S100A10: variants seen among roughly 807,000 people sequenced by gnomAD.
S100A10 encodes the protein protein S100-A10.
A neutral mutation model predicts 7.1 loss-of-function variants in S100A10; 3 were observed. That is an observed-to-expected ratio of 0.42 (90% confidence interval 0.19 to 1.10). S100A10 has a LOEUF of 1.10. S100A10 is among the 50% of genes least tolerant of loss of function. The pLI is 0.29. For missense variants in S100A10, 101 were observed against 118.1 expected (o/e 0.86, Z 0.67); for synonymous variants, 41 against 39.3 (o/e 1.04, Z -0.16).
chr1:151,988,200 G>C (rs1193119227), intron 1 of S100A10, among the ~76,000 whole-genome samples: 1 of 152,150 alleles, frequency 6.6e-6, no homozygotes, highest in Admixed American at 6.5e-5. Context: ...AGTGAATTTT[G>C]GCTTAATTGG....
rs1466917329 is a variant in S100A10, at chr1:151,986,093, A to T, written c.132+6T>A. On this transcript the variant is annotated splice_donor_region_variant and intron_variant, in intron 2 of 2. Coordinates refer to ENST00000368811, the MANE Select transcript of S100A10 (RefSeq NM_002966.3). ...TCTGGTTCTTTGTAAGCTTTTCAAC[A>T]CTTACTTCCAAAAATCCAGGGAACT... The T allele has an allele frequency of 1.3e-6, 2 of 1,587,052 alleles. No individual in the cohort carries two copies. Among genetic ancestry groups the T allele is most frequent in the African/African-American group, 1.4e-5 (1 of 72,802 alleles).
At chr1:151,989,991 G>C (rs938963098) in intron 1 of S100A10, among the ~76,000 whole-genome samples, 1 of 152,212 alleles carries the variant, frequency 6.6e-6, no homozygotes, top group Non-Finnish European at 1.5e-5. Context: ...TGAGATTTAA[G>C]CTTCTCTTGA....
At chr1:151,986,727 C>T (rs1041408518) in intron 1 of S100A10, among the ~76,000 whole-genome samples, 17 of 152,182 alleles carry the variant, frequency 1.1e-4, no homozygotes, top group African/African-American at 2.4e-4. Context: ...CTAAGCGTAA[C>T]GTCCTCCAGG....
chr1:151,990,759 A>G (rs1655888337), intron 1 of S100A10, among the ~76,000 whole-genome samples: 1 of 152,192 alleles, frequency 6.6e-6, no homozygotes, highest in Non-Finnish European at 1.5e-5. Flanking sequence ...ATGGAATACT[A>G]TTAAAGCATT....
At chr1:151,987,239 CAGG>C (rs1422679759) in intron 1 of S100A10, among the ~76,000 whole-genome samples, 2 of 151,924 alleles carry the variant, frequency 1.3e-5, no homozygotes, top group Non-Finnish European at 2.9e-5. Flanking sequence ...CTCCTGACTT[CAGG>C]TGATCCGCCC....
chr1:151,992,451 T>C (rs1385391724), intron 1 of S100A10: 1 of 152,230 alleles, frequency 6.6e-6, no homozygotes. Context: ...GCAGATCTAA[T>C]TACTGCCCTC....
At position 151,993,274 on chromosome 1, in the gene S100A10, C is replaced by T. The variant is rs1655945718; in HGVS notation, c.-22+478G>A. On this transcript the variant is annotated intron_variant, in intron 1 of 2. Transcript: ENST00000368811. The surrounding 1 kb of genome is among the most constrained non-coding windows in gnomAD (Gnocchi z 5.1). ...AGGGACGCCCCAGCTGCCTACTCGT[C>T]CTACCCGCGCCTACTTGGGCGGTAC... Among the ~76,000 whole-genome samples, 1 of 152,144 alleles carries T rather than the reference C, an allele frequency of 6.6e-6. No homozygotes were observed. Among genetic ancestry groups the T allele is most frequent in the Non-Finnish European group, 1.5e-5 (1 of 68,024 alleles).
At chr1:151,991,967 T>A (rs562238499) in intron 1 of S100A10, among the ~76,000 whole-genome samples, 1 of 152,188 alleles carries the variant, frequency 6.6e-6, no homozygotes, top group African/African-American at 2.4e-5. Flanking sequence ...ACCCAAAAAT[T>A]GCTTCATGCC....
intron 1 of S100A10, among the ~76,000 whole-genome samples, chr1:151,990,638 T>C (rs372205304): frequency 4.6e-5 from 7 of 152,316 alleles, no homozygotes; most frequent in African/African-American, 1.7e-4. Flanking sequence ...AGCACCTACT[T>C]TGAATGTCCC....
chr1:151,985,263 T>A (rs1194910749), intron 2 of S100A10: 1 of 152,200 alleles, frequency 6.6e-6, no homozygotes, highest in East Asian at 1.9e-4. Flanking sequence ...AAAGAAGGGC[T>A]TGCATTTCAG....
intron 2 of S100A10, chr1:151,985,383 G>A (rs1655769444): frequency 6.6e-6 from 1 of 152,216 alleles, no homozygotes; most frequent in Non-Finnish European, 1.5e-5. Context: ...TGTCCTGAGT[G>A]ATGTATCTGA....
intron 1 of S100A10, among the ~76,000 whole-genome samples, chr1:151,990,975 T>C (rs1655892751): frequency 6.6e-6 from 1 of 151,930 alleles, no homozygotes; most frequent in South Asian, 2.1e-4. Context: ...TCCTGAAAAA[T>C]CTCAAATGTT....
Position 151,993,652 on chromosome 1 carries a change from CTCCG to C in S100A10, c.-22+96_-22+99del, listed in dbSNP as rs1655958800. On this transcript the variant is annotated intron_variant, in intron 1 of 2. Coordinates refer to ENST00000368811, the MANE Select transcript of S100A10 (RefSeq NM_002966.3). This position sits in a 1 kb window ranked among gnomAD's most constrained non-coding sequence, Gnocchi z 5.1. ...CCGCTCCCCGCCCAGCCCCGCGGTGCTCCGGACGCCCCGCGAAGCCGGGTGCAGG... is the reference window on the plus strand; with the variant it reads ...CCGCTCCCCGCCCAGCCCCGCGGTGCGACGCCCCGCGAAGCCGGGTGCAGG... 6.6e-6 allele frequency: 1 copy of C among 152,434 alleles called. No homozygotes were observed. Among genetic ancestry groups the C allele is most frequent in the African/African-American group, 2.4e-5 (1 of 41,440 alleles). The allele number at this position is 152,434 out of a possible 1,614,324, so 9.4% of individuals were successfully genotyped here.
At position 151,983,080 on chromosome 1, in the gene S100A10, T is replaced by C. The variant is rs1373636372; in HGVS notation, c.*83A>G. 1.5e-5 allele frequency: 14 copies of C among 946,982 alleles called. No homozygotes were observed. Among genetic ancestry groups the C allele is most frequent in the Middle Eastern group, 4.6e-4 (2 of 4,320 alleles). 58.7% of individuals were successfully genotyped at this position (946,982 alleles called of 1,614,324 possible). A position where few individuals can be genotyped will look rare whatever the true frequency, so the allele number is the denominator to read the frequency against. ...TCCTGATCTGCTCATGAAATCCTTC[T>C]ATGGGGGAAGCTGTGGGGCAGATTC... is the stretch of plus-strand genomic sequence containing the variant. On this transcript the variant is annotated 3_prime_UTR_variant, in exon 3 of 3. Coordinates refer to ENST00000368811, the MANE Select transcript of S100A10 (RefSeq NM_002966.3).
intron 2 of S100A10, 95 bp from the exon 3 acceptor site, chr1:151,983,419 C>T (rs1557771989): frequency 1.5e-6 from 1 of 663,224 alleles, no homozygotes; most frequent in Non-Finnish European, 2.3e-6. Flanking sequence ...GTATATATCT[C>T]CCAATTACTT....
intron 1 of S100A10, chr1:151,992,580 TTC>T (rs1193153882): frequency 6.6e-6 from 1 of 152,188 alleles, no homozygotes; most frequent in Non-Finnish European, 1.5e-5. Context: ...TCAGGGAGTG[TTC>T]TGTCCAAACC....
rs1655856743 is a variant in S100A10, at chr1:151,989,268, T to TACGAAGTG, written c.-21-3025_-21-3018dup. 2.0e-5 allele frequency among the ~76,000 whole-genome samples: 3 copies of TACGAAGTG among 152,224 alleles called. No homozygotes were observed. The South Asian group carries it at 6.2e-4, about 32-fold the overall frequency. On this transcript the variant is annotated intron_variant, in intron 1 of 2. Transcript: ENST00000368811. ...GCATGCCTCTCTTGCCCACAGCCAT[T>TACGAAGTG]ACGAAGTGACGGAGCTTCCTTCTCT...
At chr1:151,985,807 G>A (rs976014435) in intron 2 of S100A10, among the ~76,000 whole-genome samples, 5 of 152,178 alleles carry the variant, frequency 3.3e-5, no homozygotes, top group African/African-American at 1.2e-4. Flanking sequence ...AGCTCATATT[G>A]TGGTTATTTG....
intron 1 of S100A10, among the ~76,000 whole-genome samples, chr1:151,992,746 G>C (rs1049365753): frequency 1.2e-4 from 19 of 152,196 alleles, no homozygotes; most frequent in Non-Finnish European, 2.1e-4. Context: ...CAGAAAACGG[G>C]GTGGGCTTAA....
Sources: gnomAD v4.1 joint callset for allele counts (sites outside exome capture counted in the v4.1 genomes callset) on GRCh38, gnomAD v4.1.1 for gene constraint, Gnocchi (gnomAD v3.1) non-coding constraint, MANE v1.5 for transcripts, NCBI Gene and HGNC (gene_info 2026-07-23, HGNC 2026-07-21) for gene names.